The following MYO5A variants were observed in gnomAD, a reference collection of about 807,000 sequenced individuals.
MYO5A encodes the protein unconventional myosin-Va.
In MYO5A, 98 loss-of-function variants were observed where a neutral mutation model predicts 249.7. The observed-to-expected ratio is 0.39, with a 90% CI of 0.33 to 0.46. The LOEUF is 0.46. MYO5A is among the 20% of genes least tolerant of loss of function. MYO5A has a pLI of 0.98. For synonymous variants in MYO5A, 778 were observed against 810.6 expected (o/e 0.96, Z 0.68); for missense variants, 1,696 against 2,308.8 (o/e 0.73, Z 5.44).
At chr15:52,416,112 T>C (rs1251185548) in intron 5 of MYO5A, 33 bp downstream of exon 5, 3 of 1,612,188 alleles carry the variant, frequency 1.9e-6, no homozygotes, top group South Asian at 2.2e-5. Flanking sequence ...ATCAAGAGAA[T>C]ATAGGAAGAA....
intron 36 of MYO5A, among the ~76,000 whole-genome samples, chr15:52,325,771 G>T (rs534059619): frequency 1.0e-3 from 154 of 152,042 alleles, no homozygotes; most frequent in African/African-American, 3.7e-3. Context: ...ACATGAAAAT[G>T]AGATACTCTA....
intron 2 of MYO5A, among the ~76,000 whole-genome samples, chr15:52,431,440 T>C (rs1224949827): frequency 6.6e-6 from 1 of 151,926 alleles, no homozygotes; most frequent in Non-Finnish European, 1.5e-5. Flanking sequence ...AAAGTAAGTA[T>C]AGATGGTTGA....
chr15:52,328,754 G>C (rs2038732250), intron 35 of MYO5A, among the ~76,000 whole-genome samples: 1 of 152,150 alleles, frequency 6.6e-6, no homozygotes, highest in Non-Finnish European at 1.5e-5. Flanking sequence ...CCTCACCATA[G>C]CATAGGATCT....
At chr15:52,358,130 A>G (rs1183937605) in intron 25 of MYO5A, among the ~76,000 whole-genome samples, 3 of 152,200 alleles carry the variant, frequency 2.0e-5, no homozygotes, top group East Asian at 1.9e-4. Context: ...ATCCCAGCCC[A>G]TGAAGATCGG....
chr15:52,415,331 C>A (rs147394711), intron 5 of MYO5A, among the ~76,000 whole-genome samples: 468 of 152,276 alleles, frequency 3.1e-3, no homozygotes, highest in Non-Finnish European at 4.5e-3. Flanking sequence ...TTTAATAAGT[C>A]TTCATATAAA....
chr15:52,428,608 G>A, intron 2 of MYO5A, 39 bp from the exon 3 acceptor site: 1 of 1,607,398 alleles, frequency 6.2e-7, no homozygotes, highest in East Asian at 2.2e-5. Context: ...ATGAATTATG[G>A]CAAGGACTGT....
At chr15:52,462,181 G>A (rs1053475797) in intron 1 of MYO5A, among the ~76,000 whole-genome samples, 2 of 151,388 alleles carry the variant, frequency 1.3e-5, no homozygotes, top group Non-Finnish European at 2.9e-5. Flanking sequence ...CAGGAGAATG[G>A]CGTGAACCCA....
intron 1 of MYO5A, among the ~76,000 whole-genome samples, chr15:52,477,732 T>G (rs2076626491): frequency 6.6e-6 from 1 of 152,190 alleles, no homozygotes; most frequent in Admixed American, 6.5e-5. Context: ...CTGCAAATAT[T>G]CCAGAACGGC....
intron 3 of MYO5A, among the ~76,000 whole-genome samples, chr15:52,428,087 T>C (rs1022301344): frequency 5.3e-5 from 8 of 152,184 alleles, no homozygotes; most frequent in African/African-American, 1.4e-4. Flanking sequence ...CTACTCTTCG[T>C]GTAGTAGTTT....
chr15:52,470,021 A>G (rs185173004), intron 1 of MYO5A, among the ~76,000 whole-genome samples: 4 of 152,224 alleles, frequency 2.6e-5, no homozygotes, highest in African/African-American at 9.7e-5. Context: ...GAAGGCATTC[A>G]CAACATCTGG....
intron 1 of MYO5A, among the ~76,000 whole-genome samples, chr15:52,527,658 G>A (rs1298703224): frequency 6.6e-6 from 1 of 152,232 alleles, no homozygotes; most frequent in Non-Finnish European, 1.5e-5. Context: ...TCGAACCAGA[G>A]ATGTTAAGTG....
At chr15:52,331,920 A>C (rs2038906220) in intron 34 of MYO5A, 1 of 940,988 alleles carries the variant, frequency 1.1e-6, no homozygotes, top group South Asian at 4.9e-5. Context: ...ATGATCCAGT[A>C]TGAAAGCCAC....
chr15:52,495,712 A>G (rs1477994237), intron 1 of MYO5A, among the ~76,000 whole-genome samples: 2 of 152,238 alleles, frequency 1.3e-5, no homozygotes, highest in South Asian at 4.1e-4. Flanking sequence ...GAAGTTTAAG[A>G]AGCAAAAATG....
intron 14 of MYO5A, among the ~76,000 whole-genome samples, chr15:52,386,259 T>C (rs73410759): frequency 0.053 from 7,993 of 152,026 alleles, 604 homozygotes; most frequent in African/African-American, 0.17. Flanking sequence ...CAGTGAGCCC[T>C]ATGATCATCA....
At chr15:52,404,054 T>A (rs980467132) in intron 9 of MYO5A, among the ~76,000 whole-genome samples, 2 of 152,014 alleles carry the variant, frequency 1.3e-5, no homozygotes, top group African/African-American at 4.8e-5. Context: ...TCATCTGAGG[T>A]CACGAGTTCA....
chr15:52,520,530 C>T (rs1239391155), intron 1 of MYO5A, among the ~76,000 whole-genome samples: 1 of 152,218 alleles, frequency 6.6e-6, no homozygotes, highest in Non-Finnish European at 1.5e-5. Flanking sequence ...ATGTGAGAGT[C>T]AGTGAAGAGA....
chr15:52,415,898 G>T, intron 5 of MYO5A: 1 of 513,120 alleles, frequency 1.9e-6, no homozygotes, highest in East Asian at 3.6e-5. Flanking sequence ...CAACAATTTT[G>T]CTGGTAGGTC....
intron 1 of MYO5A, among the ~76,000 whole-genome samples, chr15:52,476,408 C>G (rs1159375659): frequency 6.6e-6 from 1 of 152,044 alleles, no homozygotes; most frequent in Non-Finnish European, 1.5e-5. Context: ...GGTTAATATT[C>G]TTATGGGTGA....
At chr15:52,421,859 A>T (rs1392169687) in intron 4 of MYO5A, among the ~76,000 whole-genome samples, 1 of 152,236 alleles carries the variant, frequency 6.6e-6, no homozygotes, top group Non-Finnish European at 1.5e-5. Flanking sequence ...TTATTGGTAG[A>T]TACGTGACTA....
Sources: allele counts gnomAD v4.1 joint callset (sites outside exome capture counted in the v4.1 genomes callset), GRCh38; gene constraint gnomAD v4.1.1; transcripts MANE v1.5; gene names NCBI Gene and HGNC (gene_info 2026-07-23, HGNC 2026-07-21).